Variants in SMAD3 observed in about 807,000 individuals in gnomAD.
SMAD3 encodes the protein MAD homolog 3.
A neutral mutation model predicts 51.8 loss-of-function variants in SMAD3; 12 were observed. The ratio of observed to expected loss-of-function variants is 0.23; its 90% CI spans 0.15 to 0.38. The LOEUF (loss-of-function observed/expected upper bound fraction) is 0.38. SMAD3 is among the 10% of genes least tolerant of loss of function. The pLI is 1.00. For missense variants in SMAD3, 294 were observed against 565.6 expected, an observed-to-expected ratio of 0.52 and a Z score of 4.87; for synonymous variants, 238 against 227.7, an observed-to-expected ratio of 1.05 and a Z score of -0.41.
At chr15:67,084,519 A>G (rs2140207952) in intron 1 of SMAD3, among the ~76,000 whole-genome samples, 3 of 152,230 alleles carry the variant, frequency 2.0e-5, no homozygotes, top group Admixed American at 2.0e-4. Context: ...ACCATTCCTT[A>G]ATGACCTATT....
At chr15:67,162,073 C>T (rs985598609) in intron 1 of SMAD3, among the ~76,000 whole-genome samples, 7 of 152,330 alleles carry the variant, frequency 4.6e-5, no homozygotes, top group Admixed American at 2.0e-4. Flanking sequence ...TCAGCAGCTC[C>T]AGGTCAGTTC....
chr15:67,166,142 C>A, intron 3 of SMAD3: 1 of 1,007,876 alleles, frequency 9.9e-7, no homozygotes, highest in East Asian at 9.2e-5. Context: ...AAGGAGGAGA[C>A]CCACTGTCCA....
At chr15:67,122,143 A>T (rs1246274507) in intron 1 of SMAD3, among the ~76,000 whole-genome samples, 1 of 152,218 alleles carries the variant, frequency 6.6e-6, no homozygotes, top group East Asian at 1.9e-4. Context: ...CATTTTGTAG[A>T]TGAGGAAGCT....
chr15:67,170,500 G>A (rs1962718255), intron 4 of SMAD3, 54 bp from the exon 5 acceptor site: 2 of 1,473,774 alleles, frequency 1.4e-6, no homozygotes, highest in Non-Finnish European at 1.9e-6. Flanking sequence ...TAGTAACTTG[G>A]CTCTCCAGGC....
intron 7 of SMAD3, 77 bp downstream of exon 7, chr15:67,184,941 C>T: frequency 3.8e-6 from 6 of 1,561,594 alleles, no homozygotes; most frequent in Non-Finnish European, 5.3e-6. Flanking sequence ...GAGAGTCCAC[C>T]TTTCTCACCT....
rs187114235 is a variant in SMAD3, at chr15:67,160,011, T to G, written c.207-4884T>G. On this transcript the variant is annotated intron_variant, in intron 1 of 8. Coordinates refer to ENST00000327367, the MANE Select transcript of SMAD3 (RefSeq NM_005902.4). ...CTTTTATTTCTCTTGGGTAAATACT[T>G]TGAAGTGGAATGGTGGATCATATGG... 1.4e-3 allele frequency among the ~76,000 whole-genome samples: 214 copies of G among 152,346 alleles called. 1 individual carries two copies. Among genetic ancestry groups the G allele is most frequent in the Non-Finnish European group, 1.2e-3 (84 of 68,036 alleles).
chr15:67,128,838 G>A (rs115488226), intron 1 of SMAD3, among the ~76,000 whole-genome samples: 2,010 of 152,268 alleles, frequency 0.013, 45 homozygotes, highest in African/African-American at 0.046. Flanking sequence ...GCCTCCAAAA[G>A]TGCCAGGATT....
At chr15:67,171,779 T>C (rs187046131) in intron 5 of SMAD3, among the ~76,000 whole-genome samples, 4 of 152,292 alleles carry the variant, frequency 2.6e-5, no homozygotes, top group African/African-American at 7.2e-5. Context: ...AATATCACCA[T>C]GAGTGCCGGG....
intron 1 of SMAD3, among the ~76,000 whole-genome samples, chr15:67,115,589 C>A (rs990217659): frequency 2.6e-5 from 4 of 151,572 alleles, no homozygotes; most frequent in African/African-American, 9.8e-5. Flanking sequence ...TGCCCCAAGC[C>A]CAGGTGAGAG....
rs1241423882 is a variant in SMAD3 at position 67,195,040 on chromosome 15, T to A, written c.*4504T>A. 4.3e-6 allele frequency: 1 copy of A among 233,550 alleles called. No homozygotes were observed. The highest frequency in any genetic ancestry group is 2.2e-5 in the African/African-American group (1 of 45,312). The allele number at this position is 233,550 out of a possible 1,614,324, so 14.5% of individuals were successfully genotyped here. A position where few individuals can be genotyped will look rare whatever the true frequency, so the allele number is the denominator to read the frequency against. On this transcript the variant is annotated 3_prime_UTR_variant, in exon 9 of 9. Coordinates refer to ENST00000327367, the MANE Select transcript of SMAD3 (RefSeq NM_005902.4). ...TGTATGTATTTATAGTGTTTTAGAT[T>A]TTTCTAACTTTTATATCTTAAAAGC...
intron 1 of SMAD3, among the ~76,000 whole-genome samples, chr15:67,157,248 A>G (rs1262073493): frequency 6.6e-6 from 1 of 152,262 alleles, no homozygotes; most frequent in Non-Finnish European, 1.5e-5. Context: ...CTCTTTGTTC[A>G]CTTCTATGGC....
chr15:67,103,715 A>G (rs2140227015), intron 1 of SMAD3, among the ~76,000 whole-genome samples: 1 of 152,250 alleles, frequency 6.6e-6, no homozygotes, highest in East Asian at 1.9e-4. Context: ...TCCTAAGCAC[A>G]TAGCACAACA....
chr15:67,066,071 C>T lies in SMAD3; in HGVS notation c.-84C>T. 2 of 977,300 alleles carry T rather than the reference C, an allele frequency of 2.0e-6. No individual in the cohort carries two copies. The highest frequency in any genetic ancestry group is 2.9e-6 in the Non-Finnish European group (2 of 694,300). The allele number at this position is 977,300 out of a possible 1,614,324, so 60.5% of individuals were successfully genotyped here. ...TTGGGCGACCGCGGCAGGCCCCGGC[C>T]GAGCTCCCCTCTGCGCCCCCGGCGT... On this transcript the variant is annotated 5_prime_UTR_variant, in exon 1 of 9. Coordinates refer to ENST00000327367, the MANE Select transcript of SMAD3 (RefSeq NM_005902.4).
intron 1 of SMAD3, among the ~76,000 whole-genome samples, chr15:67,110,355 TC>T (rs1215282673): frequency 6.6e-6 from 1 of 152,164 alleles, no homozygotes; most frequent in Non-Finnish European, 1.5e-5. Context: ...CACCTAGTTT[TC>T]CCATGACCCC....
At chr15:67,095,317 C>T (rs978323618) in intron 1 of SMAD3, among the ~76,000 whole-genome samples, 1 of 152,074 alleles carries the variant, frequency 6.6e-6, no homozygotes, top group African/African-American at 2.4e-5. Flanking sequence ...CTTTGGCCGT[C>T]ATATCTGAGA....
At chr15:67,173,553 G>A (rs1047870382) in intron 5 of SMAD3, among the ~76,000 whole-genome samples, 1 of 152,156 alleles carries the variant, frequency 6.6e-6, no homozygotes, top group Non-Finnish European at 1.5e-5. Flanking sequence ...GGAAAAGGAG[G>A]CTGAAATGGC....
At position 67,187,411 on chromosome 15, in the gene SMAD3, G is replaced by C. The variant is rs759691171; in HGVS notation, c.1056G>C (p.Leu352=). 6.2e-7 allele frequency: 1 copy of C among 1,614,134 alleles called. No homozygotes were observed. The highest frequency in any genetic ancestry group is 1.1e-5 in the South Asian group (1 of 91,066). The change falls in exon 8 of 9, where the codon CTG becomes CTC. Residue 352 remains leucine (L), a synonymous_variant. Transcript: ENST00000327367. ...ACAACCAGGAGTTCGCTGCCCTCCT[G>C]GCCCAGTCGGTCAACCAGGGCTTTG... is the stretch of plus-strand genomic sequence containing the variant. ...IFNNQEFAAL[L]AQSVNQGFEA...
chr15:67,084,159 T>C (rs901251346), intron 1 of SMAD3, among the ~76,000 whole-genome samples: 1 of 144,530 alleles, frequency 6.9e-6, no homozygotes, highest in African/African-American at 2.6e-5. Flanking sequence ...CACTGCAAGC[T>C]CTGCCTCCGG....
chr15:67,170,671 G>A (rs999452416), intron 5 of SMAD3, 67 bp downstream of exon 5: 29 of 1,400,446 alleles, frequency 2.1e-5, no homozygotes, highest in Non-Finnish European at 2.8e-5. Context: ...TCGCCAGTGT[G>A]GGGAGGGGGC....
Sources: allele counts gnomAD v4.1 joint callset (sites outside exome capture counted in the v4.1 genomes callset), GRCh38; gene constraint gnomAD v4.1.1; transcripts MANE v1.5; gene names NCBI Gene and HGNC (gene_info 2026-07-23, HGNC 2026-07-21).